Variants in STPG2 observed in about 807,000 individuals in gnomAD.
STPG2 encodes sperm tail PG-rich repeat containing 2.
In STPG2, 56 loss-of-function variants were observed where a neutral mutation model predicts 54.2. The observed-to-expected ratio is 1.03, with a 90% CI of 0.83 to 1.29. The LOEUF (loss-of-function observed/expected upper bound fraction) is 1.29, where lower values mean the gene tolerates loss of function less well. Among genes scored for constraint, STPG2 ranks in the 50% most tolerant of loss-of-function variants. The pLI is 0.00. For missense variants in STPG2, 596 were observed against 544.9 expected (o/e 1.09, Z -0.93); for synonymous variants, 200 against 181.8 (o/e 1.10, Z -0.81).
intron 8 of STPG2, among the ~76,000 whole-genome samples, chr4:97,860,306 A>G (rs1165701931): frequency 2.0e-5 from 3 of 151,912 alleles, no homozygotes; most frequent in Non-Finnish European, 4.4e-5. Context: ...AAATCTGTAG[A>G]TTGCTTTGAG....
At chr4:97,771,909 G>A (rs1160925889) in intron 9 of STPG2, among the ~76,000 whole-genome samples, 1 of 152,188 alleles carries the variant, frequency 6.6e-6, no homozygotes, top group Non-Finnish European at 1.5e-5. Flanking sequence ...TGAAAGGGCA[G>A]CAGGAAACTA....
chr4:97,820,312 A>G (rs1728044315), intron 9 of STPG2, among the ~76,000 whole-genome samples: 1 of 152,108 alleles, frequency 6.6e-6, no homozygotes, highest in African/African-American at 2.4e-5. Context: ...TCTATTCCAT[A>G]AGACATAACA....
chr4:98,107,194 A>T (rs929476429), intron 4 of STPG2, among the ~76,000 whole-genome samples: 1 of 152,204 alleles, frequency 6.6e-6, no homozygotes, highest in African/African-American at 2.4e-5. Context: ...TTTACCAAAA[A>T]GAGACCTATA....
At chr4:97,941,919 C>G (rs1732999171) in intron 8 of STPG2, among the ~76,000 whole-genome samples, 1 of 151,734 alleles carries the variant, frequency 6.6e-6, no homozygotes, top group Non-Finnish European at 1.5e-5. Context: ...CAGAGTCCCA[C>G]TGAATAATTT....
At chr4:97,564,415 A>G (rs1017999578) in intron 10 of STPG2, among the ~76,000 whole-genome samples, 2 of 151,962 alleles carry the variant, frequency 1.3e-5, no homozygotes, top group Non-Finnish European at 2.9e-5. Context: ...TTTTAATTGG[A>G]GCATTTAGTC....
intron 9 of STPG2, among the ~76,000 whole-genome samples, chr4:97,820,735 G>T (rs946601641): frequency 3.3e-5 from 5 of 152,118 alleles, no homozygotes; most frequent in African/African-American, 1.2e-4. Context: ...CATGGCAGAA[G>T]GTAAGCAAGA....
chr4:97,989,082 C>T (rs1196536584), intron 5 of STPG2, among the ~76,000 whole-genome samples: 1 of 151,994 alleles, frequency 6.6e-6, no homozygotes, highest in Non-Finnish European at 1.5e-5. Flanking sequence ...TGCATGACAC[C>T]TTGGCTTAAA....
At chr4:97,916,934 C>T (rs1307870803) in intron 8 of STPG2, 1 of 152,744 alleles carries the variant, frequency 6.5e-6, no homozygotes, top group Non-Finnish European at 1.5e-5. Context: ...TGGGCCGATG[C>T]TCAAGAGCAA....
intron 4 of STPG2, among the ~76,000 whole-genome samples, chr4:97,473,388 G>T (rs1729991279): frequency 6.6e-6 from 1 of 152,136 alleles, no homozygotes; most frequent in Admixed American, 6.5e-5. Context: ...GCCCCCTTGG[G>T]TGTGGCCGTC....
intron 9 of STPG2, among the ~76,000 whole-genome samples, chr4:97,770,995 A>C (rs550901960): frequency 6.6e-6 from 1 of 152,350 alleles, no homozygotes; most frequent in African/African-American, 2.4e-5. Context: ...TCAGGAAAGA[A>C]GTGCATGCTG....
Position 97,900,836 on chromosome 4 carries a change from C to T in STPG2, c.1044+43061G>A, listed in dbSNP as rs541275042. ...TAACTGTTGGGTATTGGACTTAATG[C>T]CTGGGTAACGAAATAATCTTTACAA... On this transcript the variant is annotated intron_variant, in intron 8 of 10. Coordinates refer to ENST00000295268, the MANE Select transcript of STPG2 (RefSeq NM_174952.3). Among the ~76,000 whole-genome samples the T allele has an allele frequency of 2.0e-5, 3 of 151,962 alleles. No homozygotes were observed. The East Asian group carries it at 5.8e-4, about 29-fold the overall frequency.
chr4:97,645,688 C>A (rs1721894168), intron 10 of STPG2, among the ~76,000 whole-genome samples: 1 of 152,108 alleles, frequency 6.6e-6, no homozygotes, highest in Non-Finnish European at 1.5e-5. Flanking sequence ...TACCACCAAA[C>A]TGCAATGTGG....
At chr4:97,893,441 G>A (rs756518607) in intron 8 of STPG2, among the ~76,000 whole-genome samples, 33 of 151,912 alleles carry the variant, frequency 2.2e-4, no homozygotes, top group Admixed American at 2.6e-4. Context: ...TTTCTCTTTC[G>A]TTTAAAATAA....
At chr4:97,460,464 T>A (rs1046413147) in intron 4 of STPG2, among the ~76,000 whole-genome samples, 3 of 152,040 alleles carry the variant, frequency 2.0e-5, no homozygotes, top group Non-Finnish European at 4.4e-5. Context: ...TCTGGAGACT[T>A]TAGGTCTTCA....
intron 8 of STPG2, among the ~76,000 whole-genome samples, chr4:97,863,027 A>T (rs921980854): frequency 5.3e-5 from 8 of 152,150 alleles, no homozygotes; most frequent in Non-Finnish European, 1.2e-4. Flanking sequence ...TAACATCACA[A>T]TTAAAAGAAC....
chr4:98,025,459 G>A (rs1399998068), intron 5 of STPG2: 2 of 494,938 alleles, frequency 4.0e-6, no homozygotes, highest in African/African-American at 3.9e-5. Context: ...GACGAGGAAA[G>A]GGTAAAACTG....
In STPG2 at chr4:97,477,803, A is replaced by G. The variant is rs142352545; in HGVS notation, c.462+234896T>C. Among the ~76,000 whole-genome samples the G allele has an allele frequency of 6.0e-3, 915 of 152,060 alleles. 5 individuals are homozygous for G. Among genetic ancestry groups the G allele is most frequent in the South Asian group, 0.02 (97 of 4,820 alleles). ...CCGCGCCTGGCCTCGCTTTTTAAAT[A>G]ATTAAAACCTCCTCATTTCCTTGTT... On this transcript the variant is annotated intron_variant, in intron 4 of 4. Transcript: ENST00000522676.
chr4:97,878,792 C>T (rs1365560676), intron 8 of STPG2, among the ~76,000 whole-genome samples: 1 of 152,210 alleles, frequency 6.6e-6, no homozygotes, highest in Non-Finnish European at 1.5e-5. Flanking sequence ...ATTACTTATG[C>T]AAATTTCTAC....
intron 9 of STPG2, among the ~76,000 whole-genome samples, chr4:97,797,981 G>A (rs1727256456): frequency 6.6e-6 from 1 of 152,118 alleles, no homozygotes; most frequent in African/African-American, 2.4e-5. Context: ...GCATAGAGGT[G>A]TTTATAGTAT....
Sources: gnomAD v4.1 joint callset for allele counts (sites outside exome capture counted in the v4.1 genomes callset) on GRCh38, gnomAD v4.1.1 for gene constraint, MANE v1.5 for transcripts, NCBI Gene and HGNC (gene_info 2026-07-23, HGNC 2026-07-21) for gene names.